The following CADM2 variants were observed in gnomAD, a reference collection of about 807,000 sequenced individuals.
CADM2 encodes the protein immunoglobulin superfamily member 4D.
Under a neutral mutation model 49.8 loss-of-function variants are expected in CADM2, and 12 were observed. That is an observed-to-expected ratio of 0.24 (90% CI 0.15 to 0.39). CADM2 has a LOEUF of 0.39. Among genes scored for constraint, CADM2 ranks in the 10% least tolerant of loss-of-function variants. The pLI is 1.00. For missense variants in CADM2, 378 were observed against 492.3 expected (o/e 0.77, Z 2.20); for synonymous variants, 214 against 175.4 (o/e 1.22, Z -1.74).
intron 5 of CADM2, among the ~76,000 whole-genome samples, chr3:85,900,211 GTTAC>G (rs1431658322): frequency 6.6e-6 from 1 of 152,054 alleles, no homozygotes; most frequent in Non-Finnish European, 1.5e-5. Flanking sequence ...ATTTGTCTCT[GTTAC>G]TTCATCTAGA....
At chr3:85,793,373 A>C (rs1415341518) in intron 2 of CADM2, among the ~76,000 whole-genome samples, 1 of 152,220 alleles carries the variant, frequency 6.6e-6, no homozygotes. Context: ...CTGTTCACAG[A>C]GTAGAGGAAA....
intron 2 of CADM2, among the ~76,000 whole-genome samples, chr3:85,728,009 A>T (rs773056873): frequency 5.9e-5 from 9 of 152,186 alleles, no homozygotes; most frequent in Non-Finnish European, 8.8e-5. Flanking sequence ...TGGAGTGATT[A>T]TGAGTCATTA....
At chr3:85,844,631 A>C (rs1245403300) in intron 3 of CADM2, among the ~76,000 whole-genome samples, 1 of 152,160 alleles carries the variant, frequency 6.6e-6, no homozygotes, top group Non-Finnish European at 1.5e-5. Context: ...TTATATTGCT[A>C]TAGATAAAAT....
intron 1 of CADM2, among the ~76,000 whole-genome samples, chr3:85,049,689 G>A (rs2035809283): frequency 6.6e-6 from 1 of 152,078 alleles, no homozygotes; most frequent in Admixed American, 6.6e-5. Context: ...TGTGATCTGA[G>A]AGAATTCTTT....
intron 1 of CADM2, among the ~76,000 whole-genome samples, chr3:85,642,835 G>A (rs1226757855): frequency 6.6e-6 from 1 of 151,970 alleles, no homozygotes; most frequent in Non-Finnish European, 1.5e-5. Flanking sequence ...CTTGTTACAG[G>A]GTACAATTTA....
At chr3:85,818,818 G>A (rs2073379201) in intron 3 of CADM2, among the ~76,000 whole-genome samples, 1 of 151,522 alleles carries the variant, frequency 6.6e-6, no homozygotes, top group Admixed American at 6.6e-5. Flanking sequence ...ATGATGGCCT[G>A]GAACAGAGCA....
At chr3:85,417,644 ATT>A (rs2035974814) in intron 1 of CADM2, among the ~76,000 whole-genome samples, 1 of 152,162 alleles carries the variant, frequency 6.6e-6, no homozygotes, top group African/African-American at 2.4e-5. Context: ...GGCAGGTGCT[ATT>A]TATAGCAAGA....
At chr3:85,055,028 T>C (rs2036026932) in intron 1 of CADM2, among the ~76,000 whole-genome samples, 1 of 151,960 alleles carries the variant, frequency 6.6e-6, no homozygotes, top group African/African-American at 2.4e-5. Context: ...GTTTTCATTT[T>C]GTCCCTAATG....
chr3:84,990,518 A>G (rs989334416), intron 1 of CADM2, among the ~76,000 whole-genome samples: 1 of 151,956 alleles, frequency 6.6e-6, no homozygotes, highest in Non-Finnish European at 1.5e-5. Flanking sequence ...TTAGTCCTAT[A>G]GTATTATCTG....
chr3:85,538,673 T>C (rs941546871), intron 1 of CADM2, among the ~76,000 whole-genome samples: 4 of 151,978 alleles, frequency 2.6e-5, no homozygotes, highest in African/African-American at 9.7e-5. Flanking sequence ...TGTCAGAAAA[T>C]TGTTGATGCA....
intron 1 of CADM2, among the ~76,000 whole-genome samples, chr3:85,381,169 C>T (rs751748537): frequency 6.6e-6 from 1 of 151,796 alleles, no homozygotes; most frequent in Non-Finnish European, 1.5e-5. Flanking sequence ...ATAAAGCATG[C>T]AAAGACAAAT....
chr3:85,109,440 A>T (rs2038369764), intron 1 of CADM2, among the ~76,000 whole-genome samples: 1 of 151,930 alleles, frequency 6.6e-6, no homozygotes, highest in Admixed American at 6.6e-5. Context: ...ATTTTGAAAG[A>T]TAGAAAAGTA....
intron 8 of CADM2, among the ~76,000 whole-genome samples, chr3:85,989,493 T>G (rs1207313219): frequency 6.6e-6 from 1 of 152,102 alleles, no homozygotes; most frequent in Non-Finnish European, 1.5e-5. Context: ...TTCTGTTAAT[T>G]GAATTCATCT....
chr3:85,231,997 G>C (rs1265428837), intron 1 of CADM2, among the ~76,000 whole-genome samples: 1 of 151,776 alleles, frequency 6.6e-6, no homozygotes, highest in Non-Finnish European at 1.5e-5. Flanking sequence ...TTACAGACGT[G>C]AGCCATTGGG....
At chr3:85,256,864 C>A (rs555190254) in intron 1 of CADM2, among the ~76,000 whole-genome samples, 26 of 152,148 alleles carry the variant, frequency 1.7e-4, no homozygotes, top group Non-Finnish European at 3.1e-4. Context: ...TTTTCTTCTG[C>A]CATTTAACTT....
At chr3:85,288,228 C>G (rs1454747698) in intron 1 of CADM2, among the ~76,000 whole-genome samples, 5 of 152,010 alleles carry the variant, frequency 3.3e-5, no homozygotes, top group African/African-American at 7.2e-5. Flanking sequence ...GAAAAAATCA[C>G]TGTGAGAGAA....
intron 1 of CADM2, among the ~76,000 whole-genome samples, chr3:85,458,382 G>C (rs977014645): frequency 2.2e-4 from 33 of 152,108 alleles, no homozygotes; most frequent in African/African-American, 8.0e-4. Context: ...GAAAGTTCTG[G>C]TGTAAAAACA....
chr3:85,332,583 T>C (rs1322099338), intron 1 of CADM2, among the ~76,000 whole-genome samples: 2 of 151,978 alleles, frequency 1.3e-5, no homozygotes, highest in African/African-American at 4.8e-5. Flanking sequence ...TTGGACTTAG[T>C]TATATTTTCA....
chr3:85,152,221 T>C (rs781460403), intron 1 of CADM2, among the ~76,000 whole-genome samples: 7 of 152,322 alleles, frequency 4.6e-5, no homozygotes, highest in Non-Finnish European at 1.0e-4. Flanking sequence ...TATAATACTC[T>C]GTAAAGTTGG....
Sources: allele counts gnomAD v4.1 joint callset (sites outside exome capture counted in the v4.1 genomes callset), GRCh38; gene constraint gnomAD v4.1.1; transcripts MANE v1.5; gene names NCBI Gene and HGNC (gene_info 2026-07-23, HGNC 2026-07-21).